The following PACRG variants were observed in gnomAD, a reference collection of about 807,000 sequenced individuals.
PACRG encodes the protein parkin coregulated gene protein.
A neutral mutation model predicts 29.7 loss-of-function variants in PACRG; 29 were observed. That is an observed-to-expected ratio of 0.98 (90% CI 0.73 to 1.33). PACRG has a LOEUF of 1.33. PACRG is among the 40% of genes most tolerant of loss of function. The probability of loss-of-function intolerance (pLI) is 0.00; values close to 1 mark genes in which losing one functional copy is unlikely to be tolerated. For synonymous variants in PACRG, 116 were observed against 118.7 expected (o/e 0.98, Z 0.15); for missense variants, 279 against 316.2 (o/e 0.88, Z 0.89).
At chr6:163,029,621 T>C (rs781272431) in intron 2 of PACRG, among the ~76,000 whole-genome samples, 24 of 152,370 alleles carry the variant, frequency 1.6e-4, no homozygotes, top group Non-Finnish European at 2.8e-4. Context: ...GAGAAGCTTT[T>C]CTACCTCTTG....
At chr6:163,252,556 C>A (rs1562340188) in intron 4 of PACRG, among the ~76,000 whole-genome samples, 1 of 152,210 alleles carries the variant, frequency 6.6e-6, no homozygotes, top group Admixed American at 6.5e-5. Context: ...GGCAGTGCTG[C>A]AGGCGGGGCT....
chr6:163,032,123 G>A (rs1807724026), intron 2 of PACRG, among the ~76,000 whole-genome samples: 1 of 152,184 alleles, frequency 6.6e-6, no homozygotes, highest in African/African-American at 2.4e-5. Flanking sequence ...AAACAAATAT[G>A]CTCCAGATTT....
At chr6:163,109,990 ACCACTGAGATTTCTAGAGCTTGG>A (rs1815618404) in intron 4 of PACRG, among the ~76,000 whole-genome samples, 1 of 139,740 alleles carries the variant, frequency 7.2e-6, no homozygotes, top group African/African-American at 3.3e-5. Flanking sequence ...CTAGAGCTTG[ACCACTGAGATTTCTAGAGCTTGG>A]CCACTGAGAT....
At chr6:162,752,737 G>A (rs192761991) in intron 1 of PACRG, among the ~76,000 whole-genome samples, 11 of 152,192 alleles carry the variant, frequency 7.2e-5, no homozygotes, top group African/African-American at 1.7e-4. Context: ...TTTGATTTTC[G>A]TATGTAGTAC....
chr6:162,850,190 A>G (rs1019805867), intron 2 of PACRG, among the ~76,000 whole-genome samples: 17 of 152,242 alleles, frequency 1.1e-4, no homozygotes, highest in Admixed American at 3.3e-4. Context: ...ATCAAAGTTC[A>G]TCAGATCTGT....
intron 4 of PACRG, among the ~76,000 whole-genome samples, chr6:163,224,477 A>G (rs1194666170): frequency 1.3e-5 from 2 of 152,054 alleles, no homozygotes; most frequent in Admixed American, 6.6e-5. Flanking sequence ...GTGCTGGCAT[A>G]AAAACAGACA....
At position 162,873,244 on chromosome 6, in the gene PACRG, C is replaced by T. The variant is rs62429011; in HGVS notation, c.291+58963C>T. Among the ~76,000 whole-genome samples, 8 of 151,852 alleles carry T rather than the reference C, an allele frequency of 5.3e-5. 1 individual carries two copies. Among genetic ancestry groups the T allele is most frequent in the Non-Finnish European group, 4.4e-5 (3 of 67,970 alleles). ...TGTGTGTGTTTAGGTAACTGGGGTA[C>T]GTTTCTGGCTTGCCACATCTTCCTC... is the stretch of plus-strand genomic sequence containing the variant. On this transcript the variant is annotated intron_variant, in intron 2 of 4. Transcript: ENST00000366888.
intron 2 of PACRG, among the ~76,000 whole-genome samples, chr6:162,874,318 A>T (rs1356375957): frequency 6.6e-6 from 1 of 151,952 alleles, no homozygotes; most frequent in Non-Finnish European, 1.5e-5. Context: ...TTAGCTGCCG[A>T]TTTGCCTACC....
intron 2 of PACRG, among the ~76,000 whole-genome samples, chr6:162,880,699 T>C (rs753809260): frequency 6.6e-6 from 1 of 152,238 alleles, no homozygotes; most frequent in Admixed American, 6.5e-5. Context: ...GAATAAAACA[T>C]ATCTTAAATT....
At chr6:162,727,685 G>C, upstream of PACRG, 1 of 1,572,938 alleles carries the variant, frequency 6.4e-7, no homozygotes, top group Non-Finnish European at 8.6e-7. Context: ...TGGGTAGGTG[G>C]CGGCTGCGGG....
chr6:163,053,707 TA>T (rs1810263111), intron 2 of PACRG, among the ~76,000 whole-genome samples: 1 of 152,176 alleles, frequency 6.6e-6, no homozygotes, highest in Non-Finnish European at 1.5e-5. Context: ...CATAAAGTTG[TA>T]GAATACATAA....
At chr6:163,109,266 T>C (rs1213186047) in intron 4 of PACRG, among the ~76,000 whole-genome samples, 2 of 152,240 alleles carry the variant, frequency 1.3e-5, no homozygotes, top group Admixed American at 1.3e-4. Flanking sequence ...TTTACCAATC[T>C]TATTACTTGT....
chr6:162,741,343 T>A (rs1362839120), intron 1 of PACRG, among the ~76,000 whole-genome samples: 16 of 152,208 alleles, frequency 1.1e-4, no homozygotes, highest in Admixed American at 1.0e-3. Context: ...TACCATAGAC[T>A]GGGTGGCTTA....
chr6:162,874,149 A>T (rs866621795), intron 2 of PACRG, among the ~76,000 whole-genome samples: 2,916 of 107,896 alleles, frequency 0.027, 48 homozygotes, highest in Admixed American at 0.059. Context: ...TAAAAAAAAA[A>T]AAATATATAT....
At chr6:163,062,437 T>C in intron 3 of PACRG, 116 bp downstream of exon 3, 1 of 1,238,396 alleles carries the variant, frequency 8.1e-7, no homozygotes, top group South Asian at 1.7e-5. Flanking sequence ...TGCAGGAATT[T>C]TCATAAATTG....
chr6:163,293,708 G>A (rs1158956607), intron 4 of PACRG, among the ~76,000 whole-genome samples: 1 of 152,132 alleles, frequency 6.6e-6, no homozygotes, highest in Non-Finnish European at 1.5e-5. Flanking sequence ...TACCATTAGA[G>A]AAAGTGAACA....
chr6:162,887,645 A>G (rs1182570830), intron 2 of PACRG, among the ~76,000 whole-genome samples: 3 of 152,226 alleles, frequency 2.0e-5, no homozygotes, highest in Non-Finnish European at 4.4e-5. Context: ...AGTCTTAAGA[A>G]GTATAACTAT....
intron 4 of PACRG, among the ~76,000 whole-genome samples, chr6:163,259,536 T>C (rs1034684376): frequency 6.6e-6 from 1 of 152,138 alleles, no homozygotes; most frequent in Non-Finnish European, 1.5e-5. Context: ...CTGGTGTCCA[T>C]ACGGAAGACA....
intron 1 of PACRG, among the ~76,000 whole-genome samples, chr6:162,734,406 A>G (rs1780003420): frequency 6.6e-6 from 1 of 152,058 alleles, no homozygotes; most frequent in African/African-American, 2.4e-5. Flanking sequence ...TTTTCCCTAA[A>G]TGGCCAGAGA....
Sources: allele counts gnomAD v4.1 joint callset (sites outside exome capture counted in the v4.1 genomes callset), GRCh38; gene constraint gnomAD v4.1.1; transcripts MANE v1.5; gene names NCBI Gene and HGNC (gene_info 2026-07-23, HGNC 2026-07-21).